Variants in TXK observed in about 807,000 individuals in gnomAD.
TXK encodes the protein TXK tyrosine kinase, also known as tyrosine-protein kinase TXK.
Under a neutral mutation model 81.0 loss-of-function variants are expected in TXK, and 60 were observed. That is an observed-to-expected ratio of 0.74 (90% CI 0.60 to 0.92). TXK has a LOEUF of 0.92. Among genes scored for constraint, TXK ranks in the 40% least tolerant of loss-of-function variants. The pLI is 0.00. For synonymous variants in TXK, 203 were observed against 210.7 expected (o/e 0.96, Z 0.32); for missense variants, 581 against 638.3 (o/e 0.91, Z 0.97).
intron 13 of TXK, among the ~76,000 whole-genome samples, chr4:48,072,185 G>A (rs923700563): frequency 6.6e-6 from 1 of 152,104 alleles, no homozygotes; most frequent in Non-Finnish European, 1.5e-5. Context: ...TCTATTTTTA[G>A]TAGAGGCGGG....
chr4:48,096,822 C>A (rs1260539159), intron 6 of TXK, among the ~76,000 whole-genome samples: 7 of 152,194 alleles, frequency 4.6e-5, no homozygotes, highest in Admixed American at 2.0e-4. Flanking sequence ...AGCCACCATG[C>A]CCGGCCTTTT....
chr4:48,071,409 G>T, intron 14 of TXK, 108 bp downstream of exon 14: 1 of 1,099,392 alleles, frequency 9.1e-7, no homozygotes, highest in Non-Finnish European at 1.3e-6. Flanking sequence ...CCAAGACACA[G>T]ATGCCTTTTC....
At chr4:48,078,360 T>C (rs1717151543) in intron 11 of TXK, among the ~76,000 whole-genome samples, 1 of 152,168 alleles carries the variant, frequency 6.6e-6, no homozygotes, top group Non-Finnish European at 1.5e-5. Flanking sequence ...TCCCTTTTTC[T>C]CCCCAAAATA....
chr4:48,111,875 A>T (rs1341154297), intron 4 of TXK, among the ~76,000 whole-genome samples: 5 of 152,348 alleles, frequency 3.3e-5, no homozygotes, highest in Non-Finnish European at 7.3e-5. Context: ...TTCAGCAGCG[A>T]CTGCAATGTT....
intron 6 of TXK, among the ~76,000 whole-genome samples, chr4:48,101,949 T>C (rs1351558233): frequency 2.0e-5 from 3 of 152,116 alleles, no homozygotes; most frequent in African/African-American, 4.8e-5. Flanking sequence ...AAGATCGGTA[T>C]TCAAAATATT....
At chr4:48,117,062 G>A (rs1718832294) in intron 1 of TXK, among the ~76,000 whole-genome samples, 1 of 151,894 alleles carries the variant, frequency 6.6e-6, no homozygotes, top group Non-Finnish European at 1.5e-5. Flanking sequence ...ATTTTTTGTA[G>A]TTTTTAGTAG....
At chr4:48,072,433 A>T (rs1716900506) in intron 13 of TXK, among the ~76,000 whole-genome samples, 1 of 152,218 alleles carries the variant, frequency 6.6e-6, no homozygotes, top group Non-Finnish European at 1.5e-5. Flanking sequence ...TTCAGCCAGT[A>T]AATGGCATGT....
At chr4:48,080,269 A>G (rs1717246932) in intron 10 of TXK, 141 bp from the exon 11 acceptor site, 1 of 698,404 alleles carries the variant, frequency 1.4e-6, no homozygotes, top group African/African-American at 1.8e-5. Context: ...CAGAGGAAGT[A>G]GTTCAGTTTC....
At chr4:48,127,376 A>G (rs1719117096) in intron 1 of TXK, among the ~76,000 whole-genome samples, 1 of 152,234 alleles carries the variant, frequency 6.6e-6, no homozygotes, top group Admixed American at 6.5e-5. Context: ...AGGTGTTCCC[A>G]GTAAGTAAAT....
intron 1 of TXK, among the ~76,000 whole-genome samples, chr4:48,116,632 A>G (rs551527648): frequency 1.1e-4 from 17 of 152,316 alleles, no homozygotes; most frequent in Non-Finnish European, 1.5e-4. Context: ...AAGAGCATGT[A>G]TCATCCATCC....
intron 10 of TXK, among the ~76,000 whole-genome samples, chr4:48,085,091 TA>T (rs1178513686): frequency 6.6e-6 from 1 of 152,202 alleles, no homozygotes; most frequent in African/African-American, 2.4e-5. Flanking sequence ...AACAAATATT[TA>T]AAGAATGTTA....
At chr4:48,079,304 T>A in intron 11 of TXK, among the ~76,000 whole-genome samples, 1 of 151,898 alleles carries the variant, frequency 6.6e-6, no homozygotes, top group Non-Finnish European at 1.5e-5. Context: ...GGTTTAGGAG[T>A]CAGACAGCTG....
intron 3 of TXK, 32 bp downstream of exon 3, chr4:48,113,175 A>T (rs751028069): frequency 6.5e-7 from 1 of 1,533,654 alleles, no homozygotes; most frequent in South Asian, 1.1e-5. Context: ...AACCTTCTCC[A>T]TTCCCCTCTT....
intron 1 of TXK, among the ~76,000 whole-genome samples, chr4:48,115,979 G>C (rs1718802012): frequency 6.6e-6 from 1 of 152,182 alleles, no homozygotes. Context: ...GAGTACCTTA[G>C]AGGTGAGCAT....
chr4:48,076,577 C>G (rs186339260), intron 11 of TXK, 111 bp from the exon 12 acceptor site: 1 of 769,318 alleles, frequency 1.3e-6, no homozygotes, highest in East Asian at 2.6e-5. Flanking sequence ...CTGTGTGTAC[C>G]GCCAAGTCAT....
At position 48,080,056 on chromosome 4, in the gene TXK, T is replaced by C. The variant is rs201299876; in HGVS notation, c.1029A>G (p.Thr343=). Residue 343 remains threonine (T), a synonymous_variant, in exon 11 of 15, where the codon ACA becomes ACG. Coordinates refer to ENST00000264316, the MANE Select transcript of TXK (RefSeq NM_003328.3). The part of the protein sequence containing the change: ...CIQRKPLYIV[T]EFMENGCLLN... ...GCAGGCAGCCATTTTCCATGAACTC[T>C]GTCACAATGTAAAGGGGCTTCCGCT... 1.9e-5 allele frequency: 31 copies of C among 1,613,998 alleles called. No homozygotes were observed. Among genetic ancestry groups the C allele is most frequent in the African/African-American group, 9.3e-5 (7 of 74,924 alleles).
chr4:48,080,265 A>C (rs191350554), intron 10 of TXK, 137 bp from the exon 11 acceptor site: 214 of 714,824 alleles, frequency 3.0e-4, no homozygotes, highest in African/African-American at 2.2e-3. Flanking sequence ...AACACAGAGG[A>C]AGTAGTTCAG....
intron 13 of TXK, among the ~76,000 whole-genome samples, chr4:48,072,712 G>C (rs1273557057): frequency 6.6e-6 from 1 of 152,182 alleles, no homozygotes; most frequent in Non-Finnish European, 1.5e-5. Flanking sequence ...TGTTCAGTGA[G>C]GGAGACAAGT....
chr4:48,082,580 G>A (rs1432346242), intron 10 of TXK, among the ~76,000 whole-genome samples: 2 of 152,132 alleles, frequency 1.3e-5, no homozygotes, highest in African/African-American at 4.8e-5. Context: ...CAGGAGACAG[G>A]GAAATACTGG....
Sources: gnomAD v4.1 joint callset for allele counts (sites outside exome capture counted in the v4.1 genomes callset) on GRCh38, gnomAD v4.1.1 for gene constraint, MANE v1.5 for transcripts, NCBI Gene and HGNC (gene_info 2026-07-23, HGNC 2026-07-21) for gene names.